ECHDC1: variants seen among roughly 807,000 people sequenced by gnomAD.
The protein encoded by ECHDC1 is ethylmalonyl-CoA decarboxylase.
In ECHDC1, 29 loss-of-function variants were observed where a neutral mutation model predicts 29.7. That is an observed-to-expected ratio of 0.98 (90% CI 0.73 to 1.33). ECHDC1 has a LOEUF of 1.33. Ranked by LOEUF, ECHDC1 falls within the 40% of genes most tolerant of loss-of-function variation. ECHDC1 has a pLI of 0.00. For missense variants in ECHDC1, 328 were observed against 350.0 expected, an observed-to-expected ratio of 0.94 and a Z score of 0.50; for synonymous variants, 126 against 123.1, an observed-to-expected ratio of 1.02 and a Z score of -0.15.
intron 3 of ECHDC1, among the ~76,000 whole-genome samples, chr6:127,320,056 C>T (rs927551839): frequency 1.3e-5 from 2 of 151,958 alleles, no homozygotes; most frequent in African/African-American, 4.8e-5. Context: ...ATTGCTCTGT[C>T]TCCCAGGCTG....
In ECHDC1 at chr6:127,290,149, G is replaced by GC. The variant is rs1780012406; in HGVS notation, c.625dup (p.Ala209GlyfsTer3). ...AGCATTTTTTGAATCCAGTTTAAGG[G>GC]CCCCACTCAACACTTTGAGAGCTTG... On this transcript the variant is annotated frameshift_variant, in exon 6 of 6. Coordinates refer to ENST00000454859, the MANE Select transcript of ECHDC1 (RefSeq NM_001002030.2). LOFTEE classifies it high-confidence loss of function. 6 of 1,613,554 alleles carry GC rather than the reference G, an allele frequency of 3.7e-6. No individual in the cohort carries two copies. The South Asian group carries it at 6.6e-5, about 18-fold the overall frequency.
chr6:127,315,712 T>G (rs914333759), intron 4 of ECHDC1: 4 of 322,838 alleles, frequency 1.2e-5, no homozygotes, highest in African/African-American at 8.8e-5. Context: ...GAATAGGGTT[T>G]AAACAATGAA....
intron 5 of ECHDC1, among the ~76,000 whole-genome samples, chr6:127,293,659 C>T (rs910082655): frequency 6.6e-6 from 1 of 152,158 alleles, no homozygotes; most frequent in Middle Eastern, 3.2e-3. Flanking sequence ...GCCTCAAACA[C>T]ATCTACAAGA....
chr6:127,304,072 A>G (rs1200155382), intron 5 of ECHDC1, among the ~76,000 whole-genome samples: 2 of 152,140 alleles, frequency 1.3e-5, no homozygotes, highest in African/African-American at 2.4e-5. Context: ...GGGGGTGGTT[A>G]TGGAAGGCCT....
At position 127,288,842 on chromosome 6, in the gene ECHDC1, A is replaced by G. The variant is rs1779848235; in HGVS notation, c.*1027T>C. On this transcript the variant is annotated 3_prime_UTR_variant, in exon 6 of 6. Transcript: ENST00000454859. Reference sequence around the variant, plus strand: ...TGAGTCTGTCTAACCATATTTTCCTAACTCAACAGTAGGATCATGATGGTA... The same window carrying G: ...TGAGTCTGTCTAACCATATTTTCCTGACTCAACAGTAGGATCATGATGGTA... 1 of 152,056 alleles carries G rather than the reference A, an allele frequency of 6.6e-6. No homozygotes were observed. Among genetic ancestry groups the G allele is most frequent in the Non-Finnish European group, 1.5e-5 (1 of 67,980 alleles). 9.4% of individuals were successfully genotyped at this position (152,056 alleles called of 1,614,324 possible).
intron 3 of ECHDC1, among the ~76,000 whole-genome samples, chr6:127,323,110 TA>T (rs998721380): frequency 4.6e-5 from 7 of 152,236 alleles, no homozygotes; most frequent in Admixed American, 4.6e-4. Flanking sequence ...GCTGTGTGTT[TA>T]AGGTGTATAT....
chr6:127,329,836 TTA>T (rs1562330427), intron 2 of ECHDC1: 2 of 450,308 alleles, frequency 4.4e-6, no homozygotes, highest in Non-Finnish European at 8.9e-6. Context: ...GTTTCTTACA[TTA>T]TGTTTTCATT....
In ECHDC1 at chr6:127,330,937, C is replaced by T; in HGVS notation, c.92G>A (p.Gly31Glu). ...TGLSLYSTSH[G>E]FYEEEVKKTL... ...TTTTTTCACTTCTTCCTCATAAAAT[C>T]CATGGGATGTACTATAAAGTGACAA... Residue 31 changes from glycine to glutamate, a missense_variant, in exon 2 of 6, where the codon GGA (glycine) becomes GAA (glutamate). Gly to Glu is a moderately conservative substitution (Grantham distance 98). Coordinates refer to ENST00000454859, the MANE Select transcript of ECHDC1 (RefSeq NM_001002030.2). 6.2e-7 allele frequency: 1 copy of T among 1,614,064 alleles called. No individual in the cohort carries two copies. The highest frequency in any genetic ancestry group is 8.5e-7 in the Non-Finnish European group (1 of 1,180,014).
chr6:127,295,923 G>A (rs1780558492), intron 5 of ECHDC1, among the ~76,000 whole-genome samples: 1 of 152,214 alleles, frequency 6.6e-6, no homozygotes, highest in Non-Finnish European at 1.5e-5. Flanking sequence ...CTGGAACACA[G>A]AAGGCAGAAG....
rs1249942216 is a variant in ECHDC1 at position 127,289,056 on chromosome 6, A to AAGAT, written c.*809_*812dup. 6.6e-6 allele frequency: 1 copy of AAGAT among 152,056 alleles called. No individual in the cohort carries two copies. Among genetic ancestry groups the AAGAT allele is most frequent in the Non-Finnish European group, 1.5e-5 (1 of 67,972 alleles). 9.4% of individuals were successfully genotyped at this position (152,056 alleles called of 1,614,324 possible). ...GCATTTTTATTACATTTACTTTTGA[A>AAGAT]AGATAGTTGTTAGAAGGTTAGTTGT... On this transcript the variant is annotated 3_prime_UTR_variant, in exon 6 of 6. Coordinates refer to ENST00000454859, the MANE Select transcript of ECHDC1 (RefSeq NM_001002030.2).
At chr6:127,297,518 G>T (rs1780704056) in intron 5 of ECHDC1, among the ~76,000 whole-genome samples, 1 of 152,128 alleles carries the variant, frequency 6.6e-6, no homozygotes, top group East Asian at 1.9e-4. Context: ...AGAACAACCT[G>T]GGGAAAAACT....
chr6:127,305,920 A>C (rs1473103782), intron 5 of ECHDC1, among the ~76,000 whole-genome samples: 2 of 151,984 alleles, frequency 1.3e-5, no homozygotes, highest in African/African-American at 4.8e-5. Context: ...AAAAACAAAT[A>C]AAATGGCAGG....
At position 127,327,000 on chromosome 6, in the gene ECHDC1, G is replaced by A. The variant is rs754404273; in HGVS notation, c.363+2C>T. On this transcript the variant is annotated splice_donor_variant, in intron 3 of 5. Coordinates refer to ENST00000454859, the MANE Select transcript of ECHDC1 (RefSeq NM_001002030.2). LOFTEE classifies it low-confidence loss of function (GC_TO_GT_DONOR). Reference sequence around the variant, plus strand: ...CAAATGCATAATTCATATAACACTTGCCTCTGGAGTTCCTAGTGATTTCAC... The same window carrying A: ...CAAATGCATAATTCATATAACACTTACCTCTGGAGTTCCTAGTGATTTCAC... The A allele has an allele frequency of 1.3e-5, 21 of 1,612,544 alleles. No individual in the cohort carries two copies. The highest frequency in any genetic ancestry group is 1.6e-5 in the Non-Finnish European group (19 of 1,179,396).
At position 127,316,347 on chromosome 6, in the gene ECHDC1, T is replaced by C. The variant is rs1782374608; in HGVS notation, c.416+103A>G. 3 of 962,320 alleles carry C rather than the reference T, an allele frequency of 3.1e-6. No homozygotes were observed. The East Asian group carries it at 7.5e-5, about 24-fold the overall frequency. The allele number at this position is 962,320 out of a possible 1,614,324, so 59.6% of individuals were successfully genotyped here. The stretch of plus-strand genomic sequence containing the variant: ...TAGTACATCATTAGAATAGATGTAA[T>C]TTGAAAATTAGCTATTATTTCTTAA... On this transcript the variant is annotated intron_variant, in intron 4 of 5. Coordinates refer to ENST00000454859, the MANE Select transcript of ECHDC1 (RefSeq NM_001002030.2).
At chr6:127,292,112 ATATG>A (rs959837513) in intron 5 of ECHDC1, among the ~76,000 whole-genome samples, 5 of 152,066 alleles carry the variant, frequency 3.3e-5, no homozygotes, top group Admixed American at 3.3e-4. Context: ...AATACACTAA[ATATG>A]TAACTGTTCT....
chr6:127,301,249 C>A (rs1781032689), intron 5 of ECHDC1, among the ~76,000 whole-genome samples: 1 of 152,168 alleles, frequency 6.6e-6, no homozygotes, highest in Non-Finnish European at 1.5e-5. Context: ...CTATTACCAG[C>A]TGGTGCTCAC....
In ECHDC1 at chr6:127,315,951, A is replaced by T. The variant is rs569658764; in HGVS notation, c.416+499T>A. The T allele has an allele frequency of 4.4e-4, 208 of 470,722 alleles. 3 individuals are homozygous for T. The highest frequency in any genetic ancestry group is 3.1e-3 in the South Asian group (201 of 64,538). 29.2% of individuals were successfully genotyped at this position (470,722 alleles called of 1,614,324 possible). A position where few individuals can be genotyped will look rare whatever the true frequency, so the allele number is the denominator to read the frequency against. ...AAACATACCTTGATAGGCCAAGAAG[A>T]ATTTTTCCTCTTTGCTTCTTTACCT... On this transcript the variant is annotated intron_variant, in intron 4 of 5. Coordinates refer to ENST00000454859, the MANE Select transcript of ECHDC1 (RefSeq NM_001002030.2).
chr6:127,327,322 T>G (rs975574808), intron 2 of ECHDC1, among the ~76,000 whole-genome samples, 178 bp from the exon 3 acceptor site: 4 of 152,306 alleles, frequency 2.6e-5, no homozygotes, highest in African/African-American at 9.6e-5. Context: ...GAGGTACACA[T>G]GGCAGGCCCT....
At chr6:127,295,037 C>A (rs1780486555) in intron 5 of ECHDC1, among the ~76,000 whole-genome samples, 1 of 151,832 alleles carries the variant, frequency 6.6e-6, no homozygotes, top group African/African-American at 2.4e-5. Context: ...CAACCTCTGC[C>A]TCCTGGGTTC....
Sources: allele counts gnomAD v4.1 joint callset (sites outside exome capture counted in the v4.1 genomes callset), GRCh38; gene constraint gnomAD v4.1.1; transcripts MANE v1.5; gene names NCBI Gene and HGNC (gene_info 2026-07-23, HGNC 2026-07-21).